Variants in KDM2B observed in about 807,000 individuals in gnomAD.
KDM2B encodes the protein lysine demethylase 2B, also known as lysine-specific demethylase 2B.
Under a neutral mutation model 150.0 loss-of-function variants are expected in KDM2B, and 26 were observed. That is an observed-to-expected ratio of 0.17 (90% confidence interval 0.13 to 0.24). KDM2B has a LOEUF of 0.24. Ranked by LOEUF, KDM2B falls within the 10% of genes least tolerant of loss-of-function variation. The pLI is 1.00. For synonymous variants in KDM2B, 734 were observed against 729.5 expected (o/e 1.01, Z -0.10); for missense variants, 1,265 against 1,816.9 (o/e 0.70, Z 5.52).
chr12:121,411,864 C>G, the KDM2B span, among the ~76,000 whole-genome samples: 1 of 152,166 alleles, frequency 6.6e-6, no homozygotes, highest in African/African-American at 2.4e-5. Flanking sequence ...GGAAGCTAAA[C>G]TTGTAAAACT....
chr12:121,558,685 C>G (rs538898474), intron 4 of KDM2B, among the ~76,000 whole-genome samples: 1 of 152,038 alleles, frequency 6.6e-6, no homozygotes, highest in African/African-American at 2.4e-5. Flanking sequence ...AAACTCCTGA[C>G]GTCAAGTGAT....
chr12:121,580,723 T>C, intron 1 of KDM2B, 63 bp downstream of exon 1: 1 of 1,535,552 alleles, frequency 6.5e-7, no homozygotes, highest in Non-Finnish European at 8.8e-7. Context: ...CCTCCGTTCC[T>C]GCCCTCATTG....
In KDM2B at chr12:121,452,804, G is replaced by A. The variant is rs1212813202; in HGVS notation, c.1959+316C>T. 6.6e-6 allele frequency among the ~76,000 whole-genome samples: 1 copy of A among 152,166 alleles called. No individual in the cohort carries two copies. Among genetic ancestry groups the A allele is most frequent in the Non-Finnish European group, 1.5e-5 (1 of 68,010 alleles). ...ACTTCTGACTCTGAAGGCAGGGCCG[G>A]AAGGAAGGAAGGAAGGGCCCAGAAC... On this transcript the variant is annotated intron_variant, in intron 13 of 22. Coordinates refer to ENST00000377071, the MANE Select transcript of KDM2B (RefSeq NM_032590.5). This position sits in a 1 kb window ranked among gnomAD's most constrained non-coding sequence, Gnocchi z 4.4.
intron 6 of KDM2B, among the ~76,000 whole-genome samples, chr12:121,544,180 G>C (rs1343969296): frequency 6.6e-6 from 1 of 151,150 alleles, no homozygotes; most frequent in Non-Finnish European, 1.5e-5. Flanking sequence ...GGAGGCTGAT[G>C]TAGGAGGATC....
chr12:121,582,010 G>T (rs559161436), upstream of KDM2B, among the ~76,000 whole-genome samples: 1 of 152,310 alleles, frequency 6.6e-6, no homozygotes, highest in East Asian at 1.9e-4. Flanking sequence ...ATGAGGCTGG[G>T]AAACATCAAA....
chr12:121,465,504 G>GATTACAGGTGTGAGCC (rs1337999207), intron 12 of KDM2B, among the ~76,000 whole-genome samples: 1 of 152,178 alleles, frequency 6.6e-6, no homozygotes, highest in Admixed American at 6.5e-5. Flanking sequence ...AAAGTGCTGG[G>GATTACAGGTGTGAGCC]ATTACAGGTG....
intron 13 of KDM2B, among the ~76,000 whole-genome samples, chr12:121,447,705 C>T (rs900044497): frequency 6.6e-6 from 1 of 151,468 alleles, no homozygotes; most frequent in Non-Finnish European, 1.5e-5. Context: ...GCTCTGTTGC[C>T]CAGTCTGGAG....
chr12:121,551,344 C>CT (rs1176650753), intron 4 of KDM2B, among the ~76,000 whole-genome samples: 1,314 of 130,906 alleles, frequency 0.01, 15 homozygotes, highest in South Asian at 0.027. Context: ...AGATTCCATT[C>CT]TTTTTTTTTT....
chr12:121,485,430 C>T (rs1039538446), intron 12 of KDM2B, among the ~76,000 whole-genome samples: 1 of 152,090 alleles, frequency 6.6e-6, no homozygotes, highest in Admixed American at 6.6e-5. Flanking sequence ...TAGAAGCATC[C>T]GATTGTCCTA....
chr12:121,441,248 C>T lies in KDM2B; in HGVS notation c.3285-15G>A. 1 of 1,611,524 alleles carries T rather than the reference C, an allele frequency of 6.2e-7. No individual in the cohort carries two copies. Among genetic ancestry groups the T allele is most frequent in the Non-Finnish European group, 8.5e-7 (1 of 1,178,420 alleles). On this transcript the variant is annotated splice_polypyrimidine_tract_variant and intron_variant, in intron 19 of 22. Transcript: ENST00000377071. ...TATCGCAGCACCTGGGGACCGGCCC[C>T]GTGGGGACACATCGTCAGAGGTGGG...
rs111789894 is a variant in KDM2B at position 121,436,322 on chromosome 12, C to T, written c.3829+3535G>A. On this transcript the variant is annotated intron_variant, in intron 22 of 22. Transcript: ENST00000377071. ...GGATCACGAGGTCAGGAGATCGAAA[C>T]CATCCTGGCTAACACGGTGAAACCC... Among the ~76,000 whole-genome samples the T allele has an allele frequency of 5.5e-3, 844 of 152,152 alleles. 6 individuals carry two copies. The highest frequency in any genetic ancestry group is 9.6e-3 in the Non-Finnish European group (654 of 67,992).
Position 121,513,319 on chromosome 12 carries a change from G to A in KDM2B, c.1131C>T (p.Arg377=). The part of the protein sequence containing the change: ...LERYVYCVTQ[R]SHLTQEYQRE... ...TCTGGTATTCCTGAGTGAGGTGGGA[G>A]CGCTGGGTCACACAGTACACGTATC... is the stretch of plus-strand genomic sequence containing the variant. Residue 377 remains arginine, a synonymous_variant, in exon 10 of 23, where the codon CGC becomes CGT. Transcript: ENST00000377071. This position sits in a 1 kb window ranked among gnomAD's most constrained non-coding sequence, Gnocchi z 5.0. The A allele has an allele frequency of 1.2e-6, 2 of 1,613,626 alleles. No homozygotes were observed. The highest frequency in any genetic ancestry group is 1.7e-6 in the Non-Finnish European group (2 of 1,179,856).
chr12:121,536,031 G>A (rs1424189349), intron 6 of KDM2B: 2 of 985,104 alleles, frequency 2.0e-6, no homozygotes, highest in Non-Finnish European at 2.4e-6. Flanking sequence ...TCTTTTCCCC[G>A]CTGCACTTTG....
intron 21 of KDM2B, chr12:121,440,349 C>T (rs987084225): frequency 1.4e-5 from 7 of 495,746 alleles, no homozygotes; most frequent in East Asian, 3.8e-5. Flanking sequence ...GCAGAGGCTG[C>T]GCAGCATCTC....
chr12:121,485,261 C>T (rs146640210), intron 12 of KDM2B, among the ~76,000 whole-genome samples: 1 of 152,182 alleles, frequency 6.6e-6, no homozygotes, highest in East Asian at 1.9e-4. Context: ...AGCTGGGAGA[C>T]TAGAAGGGAC....
At position 121,560,098 on chromosome 12, in the gene KDM2B, G is replaced by A. The variant is rs567902460; in HGVS notation, c.398-10460C>T. On this transcript the variant is annotated intron_variant, in intron 4 of 22. Transcript: ENST00000377071. ...TGGTTCCCTGCAGCCTCGACCTGTT[G>A]GGCTCAAGCGATCCTCCGACCTCAG... 1.4e-4 allele frequency among the ~76,000 whole-genome samples: 22 copies of A among 152,184 alleles called. No individual in the cohort carries two copies. The East Asian group carries it at 4.3e-3, about 29-fold the overall frequency.
chr12:121,474,337 A>G (rs983343656), intron 12 of KDM2B, among the ~76,000 whole-genome samples: 31 of 151,742 alleles, frequency 2.0e-4, no homozygotes, highest in African/African-American at 6.5e-4. Context: ...CACTGTGAAA[A>G]CCCCGTCCCT....
intron 14 of KDM2B, 55 bp from the exon 15 acceptor site, chr12:121,444,591 GCACA>G: frequency 1.4e-6 from 2 of 1,458,326 alleles, no homozygotes; most frequent in Non-Finnish European, 1.9e-6. Context: ...TGGCCCACGG[GCACA>G]AGGCTCTGTG....
At chr12:121,494,323 G>A in intron 12 of KDM2B, 1 of 424,138 alleles carries the variant, frequency 2.4e-6, no homozygotes, top group South Asian at 3.0e-5. Flanking sequence ...TAACCACAGG[G>A]AAAGGCGAGG....
Sources: gnomAD v4.1 joint callset for allele counts (sites outside exome capture counted in the v4.1 genomes callset) on GRCh38, gnomAD v4.1.1 for gene constraint, Gnocchi (gnomAD v3.1) non-coding constraint, MANE v1.5 for transcripts, NCBI Gene and HGNC (gene_info 2026-07-23, HGNC 2026-07-21) for gene names.